The following ALG1L2 variants were observed in gnomAD, a reference collection of about 807,000 sequenced individuals.
ALG1L2 encodes the protein ALG1 chitobiosyldiphosphodolichol beta-mannosyltransferase like 2.
A neutral mutation model predicts 29.0 loss-of-function variants in ALG1L2; 32 were observed. That is an observed-to-expected ratio of 1.10 (90% CI 0.83 to 1.48). The LOEUF is 1.48. Among genes scored for constraint, ALG1L2 ranks in the 40% most tolerant of loss-of-function variants. The pLI is 0.00. For missense variants in ALG1L2, 318 were observed against 274.1 expected, an observed-to-expected ratio of 1.16 and a Z score of -1.13; for synonymous variants, 110 against 109.5, an observed-to-expected ratio of 1.00 and a Z score of -0.03.
chr3:130,082,407 G>A (rs796167688), intron 1 of ALG1L2, among the ~76,000 whole-genome samples: 11,528 of 59,086 alleles, frequency 0.2, 192 homozygotes, highest in Middle Eastern at 0.39. Context: ...GCACCATCTC[G>A]GCTTACTGCG....
intron 2 of ALG1L2, chr3:130,091,818 G>C (rs1577328049): frequency 1.5e-6 from 1 of 649,942 alleles, no homozygotes; most frequent in African/African-American, 1.8e-5. Context: ...GTGTGGGAGG[G>C]CGTCCTAGCA....
At chr3:130,095,284 G>A (rs1420810495) in intron 5 of ALG1L2, among the ~76,000 whole-genome samples, 2 of 151,960 alleles carry the variant, frequency 1.3e-5, no homozygotes, top group African/African-American at 4.8e-5. Context: ...TCTCGCCTTG[G>A]CCTCCCTAAG....
At position 130,090,532 on chromosome 3, in the gene ALG1L2, G is replaced by A. The variant is rs1934993644; in HGVS notation, c.21-729G>A. Among the ~76,000 whole-genome samples the A allele has an allele frequency of 2.0e-5, 3 of 152,412 alleles. No individual in the cohort carries two copies. In the South Asian group the frequency reaches 6.2e-4, roughly 32 times the overall value. The stretch of plus-strand genomic sequence containing the variant: ...TAAAATGCAGATATTGTGAGATAAT[G>A]CTCATTTCTCACAGCTTGCTTAAAT... On this transcript the variant is annotated intron_variant, in intron 1 of 7. Coordinates refer to ENST00000425059, the MANE Select transcript of ALG1L2 (RefSeq NM_001136152.1).
intron 1 of ALG1L2, among the ~76,000 whole-genome samples, chr3:130,088,388 A>G (rs1484081492): frequency 6.6e-6 from 1 of 152,302 alleles, no homozygotes; most frequent in African/African-American, 2.4e-5. Context: ...TGCTGTTCCC[A>G]TGACATTGAA....
chr3:130,082,103 A>G, intron 1 of ALG1L2, 67 bp downstream of exon 1: 3 of 1,467,582 alleles, frequency 2.0e-6, no homozygotes, highest in Non-Finnish European at 2.8e-6. Flanking sequence ...TGCGTCTGAT[A>G]GACTGGAGAG....
chr3:130,098,217 C>T lies in ALG1L2; in HGVS notation c.616-6C>T, dbSNP rs1250316642. The T allele has an allele frequency of 6.3e-7, 1 of 1,596,410 alleles. No individual in the cohort carries two copies. The highest frequency in any genetic ancestry group is 1.7e-5 in the Admixed American group (1 of 60,014). On this transcript the variant is annotated splice_polypyrimidine_tract_variant and splice_region_variant and intron_variant, in intron 7 of 7. Transcript: ENST00000425059. ...GACAGGCAATGAGGTAAGCTCTGCT[C>T]TTCAGTATTTTGCAGATGCTTTTCT... is the stretch of plus-strand genomic sequence containing the variant.
chr3:130,087,045 C>A (rs1264375518), intron 1 of ALG1L2, among the ~76,000 whole-genome samples: 1 of 150,144 alleles, frequency 6.7e-6, no homozygotes, highest in East Asian at 1.9e-4. Context: ...AAGATCCTTA[C>A]AGCCTTGTTA....
At position 130,094,530 on chromosome 3, in the gene ALG1L2, A is replaced by C. The variant is rs534854277; in HGVS notation, c.424+17A>C. ...CGCTTCTAGGTGAGAGGCCAGCAGG[A>C]GGCTCAGGGAGGAGGCGGGGCCTTA... On this transcript the variant is annotated intron_variant, in intron 5 of 7. Coordinates refer to ENST00000425059, the MANE Select transcript of ALG1L2 (RefSeq NM_001136152.1). 3 of 1,387,386 alleles carry C rather than the reference A, an allele frequency of 2.2e-6. No homozygotes were observed. The highest frequency in any genetic ancestry group is 1.2e-5 in the South Asian group (1 of 86,536). 85.9% of individuals were successfully genotyped at this position (1,387,386 alleles called of 1,614,324 possible). A position where few individuals can be genotyped will look rare whatever the true frequency, so the allele number is the denominator to read the frequency against.
At position 130,098,251 on chromosome 3, in the gene ALG1L2, C is replaced by T; in HGVS notation, c.644C>T (p.Ser215Phe). Reference protein sequence around the residue: ...QYFADAFLKLS With the variant: ...QYFADAFLKLF ...TTTGCAGATGCTTTTCTCAAACTTT[C>T]CTGATCCTGAAGGCAAGCTAAACCA... Residue 215 changes from serine to phenylalanine, a missense_variant, in exon 8 of 8, where the codon TCC becomes TTC. Transcript: ENST00000425059. 6.3e-7 allele frequency: 1 copy of T among 1,596,406 alleles called. No individual in the cohort carries two copies.
chr3:130,091,511 C>T lies in ALG1L2; in HGVS notation c.131+140C>T, dbSNP rs144793473. ...AGGCCAGTCTCCTGCTTTTGTAAATCAAGTTTCACTGGGACACAACACACT... is the reference window on the plus strand; with the variant it reads ...AGGCCAGTCTCCTGCTTTTGTAAATTAAGTTTCACTGGGACACAACACACT... On this transcript the variant is annotated intron_variant, in intron 2 of 7. Coordinates refer to ENST00000425059, the MANE Select transcript of ALG1L2 (RefSeq NM_001136152.1). The T allele has an allele frequency of 3.7e-3, 3,341 of 913,676 alleles. 72 individuals carry two copies. In the African/African-American group the frequency reaches 0.048, roughly 13 times the overall value. The allele number at this position is 913,676 out of a possible 1,614,324, so 56.6% of individuals were successfully genotyped here. A position where few individuals can be genotyped will look rare whatever the true frequency, so the allele number is the denominator to read the frequency against.
At chr3:130,091,230 A>G in intron 1 of ALG1L2, 31 bp from the exon 2 acceptor site, 1 of 1,588,188 alleles carries the variant, frequency 6.3e-7, no homozygotes, top group Non-Finnish European at 8.5e-7. Flanking sequence ...TGCTGGACTA[A>G]TGCAATAGCC....
intron 1 of ALG1L2, among the ~76,000 whole-genome samples, chr3:130,083,297 A>T (rs1481755306): frequency 7.5e-6 from 1 of 134,226 alleles, no homozygotes; most frequent in African/African-American, 2.5e-5. Flanking sequence ...TACAAAAATT[A>T]GGCCGGTGTG....
chr3:130,086,229 G>A (rs1205410690), intron 1 of ALG1L2, among the ~76,000 whole-genome samples: 2 of 151,204 alleles, frequency 1.3e-5, no homozygotes. Context: ...GCTGACAGGC[G>A]CTAGCGCACT....
In ALG1L2 at chr3:130,091,330, C is replaced by T. The variant is rs187201100; in HGVS notation, c.90C>T (p.Leu30=). 3.8e-6 allele frequency: 6 copies of T among 1,597,932 alleles called. No homozygotes were observed. The highest frequency in any genetic ancestry group is 1.3e-5 in the African/African-American group (1 of 74,978). The change falls in exon 2 of 8, where the codon CTC becomes CTT. Residue 30 remains leucine, a synonymous_variant. Coordinates refer to ENST00000425059, the MANE Select transcript of ALG1L2 (RefSeq NM_001136152.1). ...KEAPLDLQHR[L]FMKLGSTHSP... is the part of the protein sequence containing the mutation. ...CACCTCTGGACCTGCAGCACCGGCT[C>T]TTCATGAAGCTGGGCAGCACGCACT...
intron 1 of ALG1L2, among the ~76,000 whole-genome samples, chr3:130,085,825 C>A (rs1419802972): frequency 6.7e-6 from 1 of 149,114 alleles, no homozygotes; most frequent in Non-Finnish European, 1.5e-5. Flanking sequence ...GGTGGGGAAC[C>A]TAAATTTGCT....
At chr3:130,096,997 C>T (rs1032735446) in intron 6 of ALG1L2, among the ~76,000 whole-genome samples, 178 bp from the exon 7 acceptor site, 1 of 152,130 alleles carries the variant, frequency 6.6e-6, no homozygotes, top group Admixed American at 6.6e-5. Context: ...ATGTGCACCC[C>T]CCCCAGGCTT....
chr3:130,083,010 C>A (rs1381167023), intron 1 of ALG1L2, among the ~76,000 whole-genome samples: 5 of 132,532 alleles, frequency 3.8e-5, no homozygotes, highest in Non-Finnish European at 8.8e-5. Context: ...TAGTAACCAA[C>A]CACTTCCACT....
At chr3:130,094,894 TCTC>T (rs1042408762) in intron 5 of ALG1L2, among the ~76,000 whole-genome samples, 1 of 152,178 alleles carries the variant, frequency 6.6e-6, no homozygotes, top group African/African-American at 2.4e-5. Flanking sequence ...GTGAGATGGT[TCTC>T]CTTTGCCTCC....
At chr3:130,088,964 G>T (rs897424199) in intron 1 of ALG1L2, among the ~76,000 whole-genome samples, 1 of 152,416 alleles carries the variant, frequency 6.6e-6, no homozygotes, top group African/African-American at 2.4e-5. Flanking sequence ...AAATGGAGTT[G>T]TCACAGGATG....
Sources: gnomAD v4.1 joint callset for allele counts (sites outside exome capture counted in the v4.1 genomes callset) on GRCh38, gnomAD v4.1.1 for gene constraint, MANE v1.5 for transcripts, NCBI Gene and HGNC (gene_info 2026-07-23, HGNC 2026-07-21) for gene names.